ATG5: variants seen among roughly 807,000 people sequenced by gnomAD.
The protein encoded by ATG5 is autophagy protein 5.
A neutral mutation model predicts 36.5 loss-of-function variants in ATG5; 14 were observed. The observed-to-expected ratio is 0.38, with a 90% CI of 0.25 to 0.60. The LOEUF is 0.60. Ranked by LOEUF, ATG5 falls within the 20% of genes least tolerant of loss-of-function variation. The pLI is 0.60. For synonymous variants in ATG5, 95 were observed against 101.5 expected (o/e 0.94, Z 0.38); for missense variants, 195 against 326.7 (o/e 0.60, Z 3.11).
intron 6 of ATG5, among the ~76,000 whole-genome samples, chr6:106,245,381 T>C (rs1778288227): frequency 6.6e-6 from 1 of 152,220 alleles, no homozygotes; most frequent in African/African-American, 2.4e-5. Flanking sequence ...CTTTTCATGA[T>C]AATTATGTTC....
intron 6 of ATG5, among the ~76,000 whole-genome samples, chr6:106,231,160 A>G (rs565678954): frequency 2.6e-5 from 4 of 152,214 alleles, no homozygotes; most frequent in Non-Finnish European, 5.9e-5. Context: ...GAGTGCACGT[A>G]CCTTTTTCTC....
intron 1 of ATG5, among the ~76,000 whole-genome samples, chr6:106,318,008 A>C (rs550385640): frequency 6.6e-6 from 1 of 152,354 alleles, no homozygotes; most frequent in East Asian, 1.9e-4. Flanking sequence ...TGAAGAGAAA[A>C]ATAATTTGAG....
chr6:106,297,616 T>A (rs1315942367), intron 3 of ATG5, among the ~76,000 whole-genome samples: 1 of 151,984 alleles, frequency 6.6e-6, no homozygotes, highest in African/African-American at 2.4e-5. Flanking sequence ...GAAATGAAAA[T>A]GTAAATTTGC....
intron 6 of ATG5, among the ~76,000 whole-genome samples, chr6:106,242,626 C>CA (rs2114497727): frequency 6.7e-6 from 1 of 149,490 alleles, no homozygotes; most frequent in African/African-American, 2.5e-5. Flanking sequence ...TAAATAACAA[C>CA]AACAAAAAAA....
chr6:106,270,691 G>A (rs1010203368), intron 5 of ATG5, among the ~76,000 whole-genome samples: 1 of 152,196 alleles, frequency 6.6e-6, no homozygotes, highest in African/African-American at 2.4e-5. Context: ...ATCTAATTCA[G>A]TGTATCTCTA....
intron 5 of ATG5, among the ~76,000 whole-genome samples, chr6:106,269,998 C>A (rs1158957921): frequency 6.6e-6 from 1 of 152,236 alleles, no homozygotes; most frequent in Non-Finnish European, 1.5e-5. Context: ...TGCGAAATAA[C>A]TGCCTAAATG....
At chr6:106,258,197 C>T (rs1341975013) in intron 5 of ATG5, among the ~76,000 whole-genome samples, 2 of 150,546 alleles carry the variant, frequency 1.3e-5, no homozygotes, top group Non-Finnish European at 1.5e-5. Context: ...AGGTAGATCC[C>T]GTCTCTAACA....
At chr6:106,186,743 C>A in intron 7 of ATG5, 67 bp from the exon 8 acceptor site, 1 of 1,553,166 alleles carries the variant, frequency 6.4e-7, no homozygotes, top group Admixed American at 1.7e-5. Context: ...AATCTGGTGC[C>A]TTTTGAGAAT....
chr6:106,247,876 A>G (rs1778408972), intron 6 of ATG5, among the ~76,000 whole-genome samples: 1 of 152,194 alleles, frequency 6.6e-6, no homozygotes, highest in Non-Finnish European at 1.5e-5. Context: ...TGACCGTAAA[A>G]GTGCTCCAAG....
intron 5 of ATG5, among the ~76,000 whole-genome samples, chr6:106,267,917 G>C (rs1266744843): frequency 2.0e-5 from 3 of 152,178 alleles, no homozygotes; most frequent in African/African-American, 7.2e-5. Flanking sequence ...TACCATTCAG[G>C]ACATAGGCAT....
chr6:106,272,110 C>T (rs1779475397), intron 5 of ATG5, among the ~76,000 whole-genome samples: 2 of 152,200 alleles, frequency 1.3e-5, no homozygotes, highest in South Asian at 2.1e-4. Flanking sequence ...TCTCATGGCA[C>T]TCATCATCAT....
At chr6:106,197,997 A>G (rs1384440995) in intron 7 of ATG5, among the ~76,000 whole-genome samples, 1 of 152,246 alleles carries the variant, frequency 6.6e-6, no homozygotes, top group Non-Finnish European at 1.5e-5. Context: ...TATCAGCAAT[A>G]AAAACGATTA....
At chr6:106,215,054 A>C (rs1166315587) in intron 6 of ATG5, among the ~76,000 whole-genome samples, 1 of 152,254 alleles carries the variant, frequency 6.6e-6, no homozygotes, top group Non-Finnish European at 1.5e-5. Flanking sequence ...CACTAAAAAG[A>C]CTAATACAAA....
At chr6:106,264,372 A>G (rs946436190) in intron 5 of ATG5, among the ~76,000 whole-genome samples, 2 of 152,182 alleles carry the variant, frequency 1.3e-5, no homozygotes, top group African/African-American at 4.8e-5. Flanking sequence ...CAATCGGTGT[A>G]CCTGAAAATG....
chr6:106,251,864 A>G (rs1778605573), intron 5 of ATG5, among the ~76,000 whole-genome samples: 1 of 151,876 alleles, frequency 6.6e-6, no homozygotes, highest in Non-Finnish European at 1.5e-5. Context: ...AAAAAGAGAC[A>G]GAGTCTCGCT....
At chr6:106,289,776 C>CA (rs578134552) in intron 4 of ATG5, among the ~76,000 whole-genome samples, 108 of 151,654 alleles carry the variant, frequency 7.1e-4, no homozygotes, top group Middle Eastern at 6.8e-3. Context: ...ACAACAACAA[C>CA]AAAAAAAACA....
intron 5 of ATG5, among the ~76,000 whole-genome samples, 176 bp from the exon 6 acceptor site, chr6:106,248,420 A>G (rs1036342714): frequency 2.0e-5 from 3 of 152,104 alleles, no homozygotes; most frequent in Non-Finnish European, 4.4e-5. Context: ...TATAAAATTA[A>G]TTTTTTTCTA....
intron 3 of ATG5, among the ~76,000 whole-genome samples, chr6:106,302,014 T>C (rs1285120806): frequency 6.6e-6 from 1 of 152,052 alleles, no homozygotes; most frequent in Admixed American, 6.6e-5. Flanking sequence ...ATAACCATTA[T>C]GTTACAATAC....
chr6:106,300,193 G>T (rs561769491), intron 3 of ATG5, among the ~76,000 whole-genome samples: 1 of 152,106 alleles, frequency 6.6e-6, no homozygotes, highest in Non-Finnish European at 1.5e-5. Flanking sequence ...TTATTGGAAC[G>T]CTAAGCTTGT....
Sources: allele counts gnomAD v4.1 joint callset (sites outside exome capture counted in the v4.1 genomes callset), GRCh38; gene constraint gnomAD v4.1.1; transcripts MANE v1.5; gene names NCBI Gene and HGNC (gene_info 2026-07-23, HGNC 2026-07-21).